ANKRD13B: variants seen among roughly 807,000 people sequenced by gnomAD.
ANKRD13B encodes ankyrin repeat domain 13B.
Under a neutral mutation model 74.4 loss-of-function variants are expected in ANKRD13B, and 33 were observed. The observed-to-expected ratio is 0.44, with a 90% CI of 0.34 to 0.59. The LOEUF (loss-of-function observed/expected upper bound fraction) is 0.59. Ranked by LOEUF, ANKRD13B falls within the 20% of genes least tolerant of loss-of-function variation. The pLI is 0.02. For synonymous variants in ANKRD13B, 341 were observed against 362.9 expected (o/e 0.94, Z 0.68); for missense variants, 676 against 877.9 (o/e 0.77, Z 2.91).
At position 29,612,714 on chromosome 17, in the gene ANKRD13B, A is replaced by G; in HGVS notation, c.1474A>G (p.Met492Val). Residue 492 changes from methionine (M) to valine (V), a missense_variant, in exon 13 of 15, where the codon ATG (methionine) becomes GTG (valine). Transcript: ENST00000394859. The surrounding 1 kb of genome is among the most constrained non-coding windows in gnomAD (Gnocchi z 6.1). ...CGAGGCCCCGCGCGGCTACAGCATG[A>G]TGGGCGGCCAGCGGGAGGCGGCGAC... The part of the protein sequence containing the change: ...LFEAPRGYSM[M>V]GGQREAATRD... 2 of 1,600,028 alleles carry G rather than the reference A, an allele frequency of 1.2e-6. No homozygotes were observed. The highest frequency in any genetic ancestry group is 8.5e-7 in the Non-Finnish European group (1 of 1,178,218).
chr17:29,611,673 G>T lies in ANKRD13B; in HGVS notation c.969+30G>T, dbSNP rs748869297. On this transcript the variant is annotated intron_variant, in intron 9 of 14. Coordinates refer to ENST00000394859, the MANE Select transcript of ANKRD13B (RefSeq NM_152345.5). The surrounding 1 kb of genome is among the most constrained non-coding windows in gnomAD (Gnocchi z 4.3). ...GTGTGTGCAGGGGTACCCGTAAGTG[G>T]AGGGATGTGGATGTGGCTCAGGAGG... The T allele has an allele frequency of 2.4e-5, 38 of 1,610,948 alleles. No homozygotes were observed. The highest frequency in any genetic ancestry group is 3.2e-5 in the Non-Finnish European group (38 of 1,177,202).
At chr17:29,601,049 C>T (rs1209685989) in intron 1 of ANKRD13B, among the ~76,000 whole-genome samples, 30 of 150,724 alleles carry the variant, frequency 2.0e-4, no homozygotes, top group Non-Finnish European at 5.9e-5. Flanking sequence ...CTCAGCCTCC[C>T]AGTAGCTGGG....
At position 29,612,051 on chromosome 17, in the gene ANKRD13B, A is replaced by C; in HGVS notation, c.1100+45A>C. On this transcript the variant is annotated intron_variant, in intron 10 of 14. Transcript: ENST00000394859. The surrounding 1 kb of genome is among the most constrained non-coding windows in gnomAD (Gnocchi z 6.1). ...TGGGAAGGTGGGGGGCCGGGGCTCCAGGAGATGCTGGGAGGCCATGGCTTC... is the reference window on the plus strand; with the variant it reads ...TGGGAAGGTGGGGGGCCGGGGCTCCCGGAGATGCTGGGAGGCCATGGCTTC... 2 of 1,607,486 alleles carry C rather than the reference A, an allele frequency of 1.2e-6. No individual in the cohort carries two copies. The highest frequency in any genetic ancestry group is 1.7e-6 in the Non-Finnish European group (2 of 1,176,034).
At position 29,607,763 on chromosome 17, in the gene ANKRD13B, C is replaced by G. The variant is rs751805246; in HGVS notation, c.136C>G (p.Pro46Ala). Residue 46 changes from proline to alanine, a missense_variant, in exon 2 of 15, where the codon CCC becomes GCC. Physicochemically the swap from Pro to Ala is conservative, Grantham distance 27. Around this residue, in one of 4 missense-constraint regions of ANKRD13B, gnomAD observed 88 missense variants for 87.8 expected, o/e 1.00. Transcript: ENST00000394859. Reference sequence around the variant, plus strand: ...CCAGGTGGACATCGAGCAGCTGGATCCCCGCGGCCGGACTCCCCTGCACCT... The same window carrying G: ...CCAGGTGGACATCGAGCAGCTGGATGCCCGCGGCCGGACTCCCCTGCACCT... Reference protein sequence around the residue: ...AGQVDIEQLDPRGRTPLHLAT... With the variant: ...AGQVDIEQLDARGRTPLHLAT... 6 of 1,600,216 alleles carry G rather than the reference C, an allele frequency of 3.7e-6. No individual in the cohort carries two copies. Among genetic ancestry groups the G allele is most frequent in the Non-Finnish European group, 5.1e-6 (6 of 1,179,412 alleles).
intron 8 of ANKRD13B, 44 bp downstream of exon 8, chr17:29,610,810 G>C (rs372218696): frequency 2.5e-6 from 4 of 1,584,966 alleles, no homozygotes; most frequent in Non-Finnish European, 3.5e-6. Flanking sequence ...GCAGGACTGC[G>C]GGAACCAGCT....
Position 29,609,821 on chromosome 17 carries a change from G to A in ANKRD13B, c.822+400G>A, listed in dbSNP as rs1298648445. 1.3e-5 allele frequency among the ~76,000 whole-genome samples: 2 copies of A among 152,162 alleles called. No individual in the cohort carries two copies. The highest frequency in any genetic ancestry group is 2.9e-5 in the Non-Finnish European group (2 of 68,024). The stretch of plus-strand genomic sequence containing the variant: ...TAGAGTGGTTCTGTGACCTGTACAA[G>A]GTCACACAGCTGTTAAGTGGCAGAG... On this transcript the variant is annotated intron_variant, in intron 7 of 14. Coordinates refer to ENST00000394859, the MANE Select transcript of ANKRD13B (RefSeq NM_152345.5). This position sits in a 1 kb window ranked among gnomAD's most constrained non-coding sequence, Gnocchi z 4.0.
intron 1 of ANKRD13B, among the ~76,000 whole-genome samples, chr17:29,596,206 G>A (rs1418341305): frequency 6.6e-6 from 1 of 152,258 alleles, no homozygotes; most frequent in Non-Finnish European, 1.5e-5. Context: ...GCTGAGGAGG[G>A]GGCCAGCATG....
Position 29,593,617 on chromosome 17 carries a change from G to T in ANKRD13B, c.-5G>T. The T allele has an allele frequency of 7.4e-7, 1 of 1,342,358 alleles. No homozygotes were observed. The highest frequency in any genetic ancestry group is 9.7e-7 in the Non-Finnish European group (1 of 1,030,678). The allele number at this position is 1,342,358 out of a possible 1,614,324, so 83.2% of individuals were successfully genotyped here. A position where few individuals can be genotyped will look rare whatever the true frequency, so the allele number is the denominator to read the frequency against. ...GCGCCGCGGCCCCGGCATGAGGAGC[G>T]GGCGATGATCCCCGCCAACGCCTCC... On this transcript the variant is annotated 5_prime_UTR_variant, in exon 1 of 15. Coordinates refer to ENST00000394859, the MANE Select transcript of ANKRD13B (RefSeq NM_152345.5).
rs149535620 is a variant in ANKRD13B at position 29,603,643 on chromosome 17, G to A, written c.115-4099G>A. On this transcript the variant is annotated intron_variant, in intron 1 of 14. Coordinates refer to ENST00000394859, the MANE Select transcript of ANKRD13B (RefSeq NM_152345.5). ...TTCACTGATTTTTAAATTGTGCAGT[G>A]TCTAATCTGCTGTTATTTCCATTCA... Among the ~76,000 whole-genome samples, 332 of 152,272 alleles carry A rather than the reference G, an allele frequency of 2.2e-3. 1 individual carries two copies. The highest frequency in any genetic ancestry group is 7.9e-3 in the African/African-American group (327 of 41,538).
rs1349195307 is a variant in ANKRD13B at position 29,612,494 on chromosome 17, A to C, written c.1351A>C (p.Ser451Arg). The C allele has an allele frequency of 6.3e-7, 1 of 1,588,214 alleles. No homozygotes were observed. Among genetic ancestry groups the C allele is most frequent in the Admixed American group, 1.8e-5 (1 of 56,374 alleles). The change falls in exon 12 of 15, where the codon AGC becomes CGC. Residue 451 changes from serine (S) to arginine (R), a missense_variant. By Grantham distance (110) the Ser-to-Arg change is moderately radical. This residue lies in a region of ANKRD13B where 152 missense variants were observed against 181.4 expected (regional missense o/e 0.84). Coordinates refer to ENST00000394859, the MANE Select transcript of ANKRD13B (RefSeq NM_152345.5). The surrounding 1 kb of genome is among the most constrained non-coding windows in gnomAD (Gnocchi z 6.1). The stretch of plus-strand genomic sequence containing the variant: ...GGTGCCATCGGTGCGAGGCAGCCCC[A>C]GCAGCGAGACGCCTTCCCCAGGCAG... ...EPVPSVRGSP[S>R]SETPSPGSDS...
chr17:29,612,022 G>A lies in ANKRD13B; in HGVS notation c.1100+16G>A, dbSNP rs1357466747. The A allele has an allele frequency of 1.9e-6, 3 of 1,609,950 alleles. No individual in the cohort carries two copies. Among genetic ancestry groups the A allele is most frequent in the Non-Finnish European group, 2.5e-6 (3 of 1,177,736 alleles). ...AGACACAGAAGTGAGGCCCCTGCCG[G>A]TGCTGGGAAGGTGGGGGGCCGGGGC... On this transcript the variant is annotated intron_variant, in intron 10 of 14. Transcript: ENST00000394859. The surrounding 1 kb of genome is among the most constrained non-coding windows in gnomAD (Gnocchi z 6.1).
chr17:29,610,658 A>C lies in ANKRD13B; in HGVS notation c.823-27A>C, dbSNP rs1229291771. 3 of 1,611,474 alleles carry C rather than the reference A, an allele frequency of 1.9e-6. No individual in the cohort carries two copies. The African/African-American group carries it at 4.0e-5, about 22-fold the overall frequency. Reference sequence around the variant, plus strand: ...ACACAGGGTAAGACCAGAACTGCTTATGAGCCCTTTCTTCATCTGTCCCCA... The same window carrying C: ...ACACAGGGTAAGACCAGAACTGCTTCTGAGCCCTTTCTTCATCTGTCCCCA... On this transcript the variant is annotated intron_variant, in intron 7 of 14. Coordinates refer to ENST00000394859, the MANE Select transcript of ANKRD13B (RefSeq NM_152345.5).
chr17:29,601,974 A>G (rs2034195297), intron 1 of ANKRD13B, among the ~76,000 whole-genome samples: 1 of 152,160 alleles, frequency 6.6e-6, no homozygotes. Context: ...TCAGCATTTG[A>G]TTATGATGGA....
intron 1 of ANKRD13B, among the ~76,000 whole-genome samples, chr17:29,599,735 C>T (rs1192440451): frequency 6.6e-6 from 1 of 151,920 alleles, no homozygotes; most frequent in Non-Finnish European, 1.5e-5. Flanking sequence ...CAGGCTGTCC[C>T]ATTTTGTTTC....
At position 29,609,623 on chromosome 17, in the gene ANKRD13B, A is replaced by G. The variant is rs2034511112; in HGVS notation, c.822+202A>G. On this transcript the variant is annotated intron_variant, in intron 7 of 14. Coordinates refer to ENST00000394859, the MANE Select transcript of ANKRD13B (RefSeq NM_152345.5). This position sits in a 1 kb window ranked among gnomAD's most constrained non-coding sequence, Gnocchi z 4.0. ...ATACACAGGGCACGTGCACACGCACACACACACACACATTTATTCCTCACA... is the reference window on the plus strand; with the variant it reads ...ATACACAGGGCACGTGCACACGCACGCACACACACACATTTATTCCTCACA... 6.6e-6 allele frequency among the ~76,000 whole-genome samples: 1 copy of G among 152,252 alleles called. No homozygotes were observed.
Position 29,612,989 on chromosome 17 carries a change from A to C in ANKRD13B, c.1652+26A>C, listed in dbSNP as rs1488231142. ...GTCAGTGCCCGCTGGGCCGGAGAGAATCCTCCGGAGAGGATCCTGTCTCCC... is the reference window on the plus strand; with the variant it reads ...GTCAGTGCCCGCTGGGCCGGAGAGACTCCTCCGGAGAGGATCCTGTCTCCC... On this transcript the variant is annotated intron_variant, in intron 14 of 14. Coordinates refer to ENST00000394859, the MANE Select transcript of ANKRD13B (RefSeq NM_152345.5). The surrounding 1 kb of genome is among the most constrained non-coding windows in gnomAD (Gnocchi z 6.1). 6.3e-7 allele frequency: 1 copy of C among 1,588,510 alleles called. No individual in the cohort carries two copies. Among genetic ancestry groups the C allele is most frequent in the South Asian group, 1.1e-5 (1 of 89,616 alleles).
intron 2 of ANKRD13B, 52 bp downstream of exon 2, chr17:29,607,929 T>C (rs549836605): frequency 6.3e-7 from 1 of 1,579,724 alleles, no homozygotes; most frequent in African/African-American, 1.3e-5. Context: ...CCCAGCATCA[T>C]AGACCTATGG....
chr17:29,599,865 GTTTTTTTTTTTTT>G (rs35600194), intron 1 of ANKRD13B, among the ~76,000 whole-genome samples: 514 of 50,784 alleles, frequency 0.01, 6 homozygotes, highest in African/African-American at 0.033. Flanking sequence ...CATCTAATTT[GTTTTTTTTTTTTT>G]TTTTTTTTTT....
In ANKRD13B at chr17:29,613,783, C is replaced by A; in HGVS notation, c.*201C>A. The A allele has an allele frequency of 1.3e-6, 1 of 790,688 alleles. No individual in the cohort carries two copies. The highest frequency in any genetic ancestry group is 1.8e-6 in the Non-Finnish European group (1 of 543,368). 49.0% of individuals were successfully genotyped at this position (790,688 alleles called of 1,614,324 possible). A position where few individuals can be genotyped will look rare whatever the true frequency, so the allele number is the denominator to read the frequency against. On this transcript the variant is annotated 3_prime_UTR_variant, in exon 15 of 15. Coordinates refer to ENST00000394859, the MANE Select transcript of ANKRD13B (RefSeq NM_152345.5). ...CCTTCCCAGGCCAGGGCCCTGGAGG[C>A]AACTGGCACGGCCTGGTCCCCCTGC...
Sources: gnomAD v4.1 joint callset for allele counts (sites outside exome capture counted in the v4.1 genomes callset) on GRCh38, gnomAD v4.1.1 for gene constraint, gnomAD v4.1.1 regional missense constraint, Gnocchi (gnomAD v3.1) non-coding constraint, MANE v1.5 for transcripts, NCBI Gene and HGNC (gene_info 2026-07-23, HGNC 2026-07-21) for gene names.